The following ANKRD12 variants were observed in gnomAD, a reference collection of about 807,000 sequenced individuals.
ANKRD12 encodes the protein ankyrin repeat domain 12.
ANKRD12 carries 85 observed loss-of-function variants against 183.4 expected under a neutral mutation model. The ratio of observed to expected loss-of-function variants is 0.46; its 90% confidence interval spans 0.39 to 0.56. ANKRD12 has a LOEUF of 0.56. Ranked by LOEUF, ANKRD12 falls within the 20% of genes least tolerant of loss-of-function variation. ANKRD12 has a pLI of 0.00. For missense variants in ANKRD12, 2,405 were observed against 2,357.1 expected, an observed-to-expected ratio of 1.02 and a Z score of -0.42; for synonymous variants, 914 against 800.2, an observed-to-expected ratio of 1.14 and a Z score of -2.40.
intron 10 of ANKRD12, among the ~76,000 whole-genome samples, chr18:9,264,239 T>C (rs1394583162): frequency 1.3e-5 from 2 of 152,196 alleles, no homozygotes; most frequent in Admixed American, 6.5e-5. Flanking sequence ...AAGGGCAAAA[T>C]ACTTATAAAG....
At chr18:9,144,754 T>C (rs192526880) in intron 1 of ANKRD12, among the ~76,000 whole-genome samples, 58 of 152,324 alleles carry the variant, frequency 3.8e-4, no homozygotes, top group African/African-American at 1.3e-3. Context: ...ATGGTGACTA[T>C]ATTGCTTCCT....
rs375308314 is a variant in ANKRD12, at chr18:9,257,081, C to T, written c.3814C>T (p.Arg1272Trp). The T allele has an allele frequency of 2.5e-5, 40 of 1,614,078 alleles. No homozygotes were observed. Among genetic ancestry groups the T allele is most frequent in the South Asian group, 1.4e-4 (13 of 91,084 alleles). The change falls in exon 9 of 13, where the codon CGG (arginine) becomes TGG (tryptophan). Residue 1272 changes from arginine to tryptophan, a missense_variant. By Grantham distance (101) the Arg-to-Trp change is moderately radical (BLOSUM62 -3). This residue lies in a region of ANKRD12 where 1,983 missense variants were observed against 1,725.9 expected (regional missense o/e 1.15). Transcript: ENST00000262126. ...ELDSLADLPE[R>W]IKPPYANRLS... ...GGACAGCCTGGCTGACTTGCCGGAGCGGATTAAACCACCATATGCAAACAG... is the reference window on the plus strand; with the variant it reads ...GGACAGCCTGGCTGACTTGCCGGAGTGGATTAAACCACCATATGCAAACAG...
At chr18:9,216,956 CA>C in intron 7 of ANKRD12, 56 bp downstream of exon 7, 1 of 1,518,970 alleles carries the variant, frequency 6.6e-7, no homozygotes, top group Non-Finnish European at 9.0e-7. Flanking sequence ...AAATTCAACC[CA>C]AAGTAATTTC....
rs1020342227 is a variant in ANKRD12 at position 9,275,774 on chromosome 18, A to C, written c.5907+107A>C. 31 of 1,149,310 alleles carry C rather than the reference A, an allele frequency of 2.7e-5. No individual in the cohort carries two copies. In the Middle Eastern group the frequency reaches 9.5e-4, roughly 35 times the overall value. The allele number at this position is 1,149,310 out of a possible 1,614,324, so 71.2% of individuals were successfully genotyped here. A position where few individuals can be genotyped will look rare whatever the true frequency, so the allele number is the denominator to read the frequency against. ...AGAACTTGAACTCAACAATCATTAA[A>C]GGTCAAAGAAGAAAAAAAACTCTTT... On this transcript the variant is annotated intron_variant, in intron 11 of 12. Transcript: ENST00000262126.
intron 2 of ANKRD12, among the ~76,000 whole-genome samples, chr18:9,186,137 ATTTTTT>A (rs11310603): frequency 7.9e-6 from 1 of 126,768 alleles, no homozygotes. Context: ...TAAAAGTGTG[ATTTTTT>A]TTTTTTTTTT....
rs1011598407 is a variant in ANKRD12 at position 9,175,259 on chromosome 18, A to G, written c.-51-7123A>G. Among the ~76,000 whole-genome samples the G allele has an allele frequency of 6.6e-5, 10 of 152,340 alleles. No homozygotes were observed. In the South Asian group the frequency reaches 2.1e-3, roughly 32 times the overall value. On this transcript the variant is annotated intron_variant, in intron 1 of 12. Coordinates refer to ENST00000262126, the MANE Select transcript of ANKRD12 (RefSeq NM_015208.5). ...CTGTAGATATTCACTTGTATTATACATGTGCAGTCTCCATGTTTGTAGCAT... is the reference window on the plus strand; with the variant it reads ...CTGTAGATATTCACTTGTATTATACGTGTGCAGTCTCCATGTTTGTAGCAT...
rs1254849099 is a variant in ANKRD12 at position 9,281,232 on chromosome 18, TA to T, written c.*109del. On this transcript the variant is annotated 3_prime_UTR_variant, in exon 13 of 13. Coordinates refer to ENST00000262126, the MANE Select transcript of ANKRD12 (RefSeq NM_015208.5). Reference sequence around the variant, plus strand: ...ATACTCATGCCTTTACAATTGTTAGTAAAGTTCGATTATAGTTGGTTATGTA... The same window carrying T: ...ATACTCATGCCTTTACAATTGTTAGTAAGTTCGATTATAGTTGGTTATGTA... 5.4e-6 allele frequency: 5 copies of T among 921,228 alleles called. No individual in the cohort carries two copies. Among genetic ancestry groups the T allele is most frequent in the Non-Finnish European group, 6.5e-6 (4 of 618,196 alleles). 57.1% of individuals were successfully genotyped at this position (921,228 alleles called of 1,614,324 possible).
rs750318493 is a variant in ANKRD12 at position 9,279,522 on chromosome 18, T to A, written c.5908-27T>A. Reference sequence around the variant, plus strand: ...TAGATTTTAAAGTGATTTATTGTATTTTATAATACTCACTTTTCTCTTTTA... The same window carrying A: ...TAGATTTTAAAGTGATTTATTGTATATTATAATACTCACTTTTCTCTTTTA... On this transcript the variant is annotated intron_variant, in intron 11 of 12. Transcript: ENST00000262126. The A allele has an allele frequency of 3.7e-6, 5 of 1,338,378 alleles. No individual in the cohort carries two copies. The Admixed American group carries it at 9.4e-5, about 25-fold the overall frequency. 82.9% of individuals were successfully genotyped at this position (1,338,378 alleles called of 1,614,324 possible). A position where few individuals can be genotyped will look rare whatever the true frequency, so the allele number is the denominator to read the frequency against.
At chr18:9,146,053 T>G (rs552280740) in intron 1 of ANKRD12, among the ~76,000 whole-genome samples, 1 of 152,352 alleles carries the variant, frequency 6.6e-6, no homozygotes, top group African/African-American at 2.4e-5. Flanking sequence ...AATAGGTCTC[T>G]TCAAAAAGGC....
In ANKRD12 at chr18:9,268,938, A is replaced by G. The variant is rs150788132; in HGVS notation, c.5763+5050A>G. ...CTTCAGCAAAGTCTCAGGATGCAAAATCAATGTGCAAAAATCACGAGCATT... is the reference window on the plus strand; with the variant it reads ...CTTCAGCAAAGTCTCAGGATGCAAAGTCAATGTGCAAAAATCACGAGCATT... On this transcript the variant is annotated intron_variant, in intron 10 of 12. Coordinates refer to ENST00000262126, the MANE Select transcript of ANKRD12 (RefSeq NM_015208.5). 7.9e-3 allele frequency among the ~76,000 whole-genome samples: 1,204 copies of G among 152,326 alleles called. 8 individuals are homozygous for G. The highest frequency in any genetic ancestry group is 0.051 in the Middle Eastern group (15 of 294).
intron 1 of ANKRD12, among the ~76,000 whole-genome samples, chr18:9,155,546 T>C (rs976685372): frequency 2.6e-5 from 4 of 152,222 alleles, no homozygotes; most frequent in Non-Finnish European, 1.5e-5. Flanking sequence ...GCCAAATACC[T>C]CTCCAAGGAG....
intron 7 of ANKRD12, among the ~76,000 whole-genome samples, chr18:9,218,613 A>G (rs1045435990): frequency 9.2e-5 from 14 of 152,162 alleles, no homozygotes; most frequent in South Asian, 2.1e-4. Context: ...CTAAGAACCT[A>G]ATTTTTGACT....
At position 9,257,690 on chromosome 18, in the gene ANKRD12, G is replaced by A. The variant is rs779398500; in HGVS notation, c.4423G>A (p.Gly1475Arg). 1.4e-5 allele frequency: 22 copies of A among 1,613,902 alleles called. No individual in the cohort carries two copies. Among genetic ancestry groups the A allele is most frequent in the Admixed American group, 6.7e-5 (4 of 59,944 alleles). Residue 1475 changes from glycine (G) to arginine (R), a missense_variant, in exon 9 of 13, where the codon GGA becomes AGA. Gly to Arg is a moderately radical substitution (Grantham distance 125). This residue lies in a region of ANKRD12 where 1,983 missense variants were observed against 1,725.9 expected (regional missense o/e 1.15). Coordinates refer to ENST00000262126, the MANE Select transcript of ANKRD12 (RefSeq NM_015208.5). ...FLSLRQTELP[G>R]NSCAQDPASF... ...ATCCCTGCGCCAGACTGAACTGCCAGGAAACTCTTGTGCTCAGGATCCGGC... is the reference window on the plus strand; with the variant it reads ...ATCCCTGCGCCAGACTGAACTGCCAAGAAACTCTTGTGCTCAGGATCCGGC...
intron 5 of ANKRD12, among the ~76,000 whole-genome samples, chr18:9,209,015 G>A (rs910467814): frequency 3.9e-5 from 6 of 152,110 alleles, no homozygotes; most frequent in African/African-American, 1.4e-4. Flanking sequence ...CAAGAGTAGG[G>A]CTCTTTACAC....
chr18:9,233,869 A>T (rs1167483947), intron 8 of ANKRD12, among the ~76,000 whole-genome samples: 1 of 152,178 alleles, frequency 6.6e-6, no homozygotes. Context: ...TGGTGTCAGC[A>T]GGACCAGGTG....
At chr18:9,270,755 TTAAAAG>T (rs1411735218) in intron 10 of ANKRD12, among the ~76,000 whole-genome samples, 17 of 152,298 alleles carry the variant, frequency 1.1e-4, no homozygotes, top group Admixed American at 7.8e-4. Flanking sequence ...ACCCTAAAAC[TTAAAAG>T]TATAATATAA....
At chr18:9,137,440 G>GC in intron 1 of ANKRD12, 1 of 146,394 alleles carries the variant, frequency 6.8e-6, no homozygotes, top group East Asian at 2.0e-4. Context: ...GTGTGAGTGT[G>GC]CGCGGCCGAG....
chr18:9,269,944 TG>T (rs1456515020), intron 10 of ANKRD12, among the ~76,000 whole-genome samples: 1 of 152,062 alleles, frequency 6.6e-6, no homozygotes, highest in Admixed American at 6.6e-5. Flanking sequence ...CATCAACAAG[TG>T]GGTGAAGGAT....
At chr18:9,274,522 T>G (rs2039741458) in intron 10 of ANKRD12, among the ~76,000 whole-genome samples, 1 of 152,150 alleles carries the variant, frequency 6.6e-6, no homozygotes. Context: ...AAAGTTAGAT[T>G]GTTGGTTACT....
Sources: gnomAD v4.1 joint callset for allele counts (sites outside exome capture counted in the v4.1 genomes callset) on GRCh38, gnomAD v4.1.1 for gene constraint, gnomAD v4.1.1 regional missense constraint, MANE v1.5 for transcripts, NCBI Gene and HGNC (gene_info 2026-07-23, HGNC 2026-07-21) for gene names.